PGM2: variants seen among roughly 807,000 people sequenced by gnomAD.
PGM2 encodes the protein phosphopentomutase.
PGM2 carries 57 observed loss-of-function variants against 74.6 expected under a neutral mutation model. That is an observed-to-expected ratio of 0.76 (90% CI 0.62 to 0.95). The LOEUF (loss-of-function observed/expected upper bound fraction) is 0.95. Among genes scored for constraint, PGM2 ranks in the 40% least tolerant of loss-of-function variants. The pLI, the probability that PGM2 is intolerant of heterozygous loss-of-function variation, is 0.00. For synonymous variants in PGM2, 273 were observed against 260.7 expected, an observed-to-expected ratio of 1.05 and a Z score of -0.46; for missense variants, 706 against 741.9, an observed-to-expected ratio of 0.95 and a Z score of 0.56.
intron 1 of PGM2, among the ~76,000 whole-genome samples, chr4:37,828,097 C>T (rs774355288): frequency 1.3e-5 from 2 of 152,152 alleles, no homozygotes; most frequent in Non-Finnish European, 2.9e-5. Flanking sequence ...TCAGCAAATC[C>T]CATTTCCAGG....
At chr4:37,848,328 G>T (rs1349522321) in intron 10 of PGM2, among the ~76,000 whole-genome samples, 194 bp from the exon 11 acceptor site, 1 of 152,200 alleles carries the variant, frequency 6.6e-6, no homozygotes, top group Admixed American at 6.5e-5. Context: ...AATCTTGCAG[G>T]TTCTTCAGCA....
intron 6 of PGM2, among the ~76,000 whole-genome samples, chr4:37,843,378 A>T (rs1725781903): frequency 6.6e-6 from 1 of 152,214 alleles, no homozygotes; most frequent in African/African-American, 2.4e-5. Flanking sequence ...TTTAAACCAC[A>T]ATTCTCTTAG....
rs762895957 is a variant in PGM2 at position 37,847,261 on chromosome 4, GA to G, written c.1252del (p.Thr418LeufsTer29). Reference sequence around the variant, plus strand: ...GAGCCAAACAGCTAATAGACCAGGGGAAAACTGTTTTATTTGCATTTGAAGA... The same window carrying G: ...GAGCCAAACAGCTAATAGACCAGGGGAAACTGTTTTATTTGCATTTGAAGA... ...NRAKQLIDQG[K>X]TVLFAFEEAI... On this transcript the variant is annotated frameshift_variant, in exon 10 of 14. Coordinates refer to ENST00000381967, the MANE Select transcript of PGM2 (RefSeq NM_018290.4). LOFTEE classifies it high-confidence loss of function. 5 of 1,613,518 alleles carry G rather than the reference GA, an allele frequency of 3.1e-6. No individual in the cohort carries two copies. The African/African-American group carries it at 5.3e-5, about 17-fold the overall frequency.
Position 37,840,926 on chromosome 4 carries a change from T to A in PGM2, c.719+667T>A, listed in dbSNP as rs551341990. ...TATAGATTCCATACATGTATGTGAT[T>A]CATACATATTCATACATGTAAGTGT... On this transcript the variant is annotated intron_variant, in intron 6 of 13. Coordinates refer to ENST00000381967, the MANE Select transcript of PGM2 (RefSeq NM_018290.4). Among the ~76,000 whole-genome samples the A allele has an allele frequency of 2.4e-4, 36 of 148,424 alleles. 1 individual carries two copies. The highest frequency in any genetic ancestry group is 6.9e-3 in the Middle Eastern group (2 of 290).
At chr4:37,843,169 C>G (rs967775342) in intron 6 of PGM2, among the ~76,000 whole-genome samples, 8 of 152,276 alleles carry the variant, frequency 5.3e-5, no homozygotes, top group South Asian at 2.1e-4. Flanking sequence ...TGTTCATCTC[C>G]CATTTCAAAT....
chr4:37,832,702 C>T (rs2911906), intron 2 of PGM2, among the ~76,000 whole-genome samples: 28,707 of 152,110 alleles, frequency 0.19, 3,038 homozygotes, highest in South Asian at 0.34. Context: ...TCACTGTCCT[C>T]TGAAAGAGGC....
chr4:37,849,688 C>T (rs1026868043), intron 11 of PGM2, among the ~76,000 whole-genome samples: 2 of 152,104 alleles, frequency 1.3e-5, no homozygotes, highest in African/African-American at 4.8e-5. Flanking sequence ...GGATTACAGG[C>T]GTGAGCCACT....
At chr4:37,839,789 A>G in intron 4 of PGM2, 59 bp from the exon 5 acceptor site, 2 of 929,210 alleles carry the variant, frequency 2.2e-6, no homozygotes, top group East Asian at 2.4e-5. Context: ...TAGACATTTT[A>G]AGAATATCTG....
At chr4:37,837,413 T>C in intron 3 of PGM2, 116 bp from the exon 4 acceptor site, 2 of 755,024 alleles carry the variant, frequency 2.6e-6, no homozygotes, top group South Asian at 1.4e-5. Flanking sequence ...ATGCTGTCCT[T>C]GATCTGGATG....
intron 10 of PGM2, chr4:37,847,569 G>T (rs914433578): frequency 5.7e-5 from 22 of 386,408 alleles, no homozygotes; most frequent in Non-Finnish European, 9.7e-5. Flanking sequence ...CATGTATTTT[G>T]GGAGTTGTGA....
In PGM2 at chr4:37,855,711, A is replaced by G. The variant is rs139469063; in HGVS notation, c.1706A>G (p.Tyr569Cys). The G allele has an allele frequency of 1.2e-3, 1,982 of 1,613,432 alleles. 1 individual carries two copies. The highest frequency in any genetic ancestry group is 1.5e-3 in the Non-Finnish European group (1,789 of 1,179,790). ...GGGACAGAGCCCAAAATCAAGTACT[A>G]TGCAGAGCTGTGTGCCCCACCTGGG... The part of the protein sequence containing the change: ...TSGTEPKIKY[Y>C]AELCAPPGNS... The change falls in exon 13 of 14, where the codon TAT becomes TGT. Residue 569 changes from tyrosine (Y) to cysteine (C), a missense_variant. This residue lies in a region of PGM2 where 359 missense variants were observed against 371.1 expected (regional missense o/e 0.97). Coordinates refer to ENST00000381967, the MANE Select transcript of PGM2 (RefSeq NM_018290.4).
chr4:37,857,967 A>G (rs2152182397), intron 13 of PGM2, among the ~76,000 whole-genome samples: 1 of 152,312 alleles, frequency 6.6e-6, no homozygotes, highest in East Asian at 1.9e-4. Context: ...AGAAATGGAC[A>G]GTCCAACTAA....
chr4:37,828,226 CTT>C (rs2152173686), intron 1 of PGM2, among the ~76,000 whole-genome samples: 1 of 152,070 alleles, frequency 6.6e-6, no homozygotes, highest in South Asian at 2.1e-4. Flanking sequence ...GTACAGAATT[CTT>C]TTGAAGTCAG....
chr4:37,834,593 T>G (rs749971214), intron 2 of PGM2, 25 bp from the exon 3 acceptor site: 1 of 1,144,200 alleles, frequency 8.7e-7, no homozygotes, highest in East Asian at 2.4e-5. Context: ...AAAACATACT[T>G]TTTAAATCTA....
rs376445794 is a variant in PGM2 at position 37,844,488 on chromosome 4, A to T, written c.844A>T (p.Lys282Ter). 5 of 1,613,816 alleles carry T rather than the reference A, an allele frequency of 3.1e-6. No individual in the cohort carries two copies. The highest frequency in any genetic ancestry group is 4.2e-6 in the Non-Finnish European group (5 of 1,179,794). Residue 282 changes from lysine to a stop codon, truncating the protein, a stop_gained, in exon 7 of 14, where the codon AAA (lysine) becomes TAA (stop). Coordinates refer to ENST00000381967, the MANE Select transcript of PGM2 (RefSeq NM_018290.4). LOFTEE classifies it high-confidence loss of function. ...LVPPEAVPEQ[K>*]DPDPEFPTVK... ...TCCTCCTGAGGCTGTTCCTGAACAGAAAGATCCGGATCCTGAGTTTCCAAC... is the reference window on the plus strand; with the variant it reads ...TCCTCCTGAGGCTGTTCCTGAACAGTAAGATCCGGATCCTGAGTTTCCAAC...
In PGM2 at chr4:37,834,720, A is replaced by G. The variant is rs773203064; in HGVS notation, c.352A>G (p.Arg118Gly). Residue 118 changes from arginine to glycine, a missense_variant, in exon 3 of 14, where the codon AGA becomes GGA. Physicochemically the swap from Arg to Gly is moderately radical, Grantham distance 125 (BLOSUM62 -2). Coordinates refer to ENST00000381967, the MANE Select transcript of PGM2 (RefSeq NM_018290.4). Reference sequence around the variant, plus strand: ...TCATCCATCCAGTGGGGGTAGCAGCAGAAGGTATTTAAACATTTTTACAAA... The same window carrying G: ...TCATCCATCCAGTGGGGGTAGCAGCGGAAGGTATTTAAACATTTTTACAAA... ...RAHPSSGGSS[R>G]RFARLAATTF... is the part of the protein sequence containing the mutation. 7.1e-7 allele frequency: 1 copy of G among 1,405,542 alleles called. No individual in the cohort carries two copies. Among genetic ancestry groups the G allele is most frequent in the Non-Finnish European group, 1.0e-6 (1 of 1,003,764 alleles). The allele number at this position is 1,405,542 out of a possible 1,614,324, so 87.1% of individuals were successfully genotyped here.
intron 13 of PGM2, among the ~76,000 whole-genome samples, chr4:37,858,665 A>G (rs1711647836): frequency 6.6e-6 from 1 of 152,042 alleles, no homozygotes; most frequent in Admixed American, 6.6e-5. Flanking sequence ...TAATGTCTTC[A>G]CTAAGATTTC....
At chr4:37,835,991 G>A (rs890748825) in intron 3 of PGM2, among the ~76,000 whole-genome samples, 5 of 152,198 alleles carry the variant, frequency 3.3e-5, no homozygotes, top group East Asian at 1.9e-4. Flanking sequence ...GAACTAAATC[G>A]TGACCGTGTT....
rs1403555140 is a variant in PGM2, at chr4:37,855,643, C to A, written c.1638C>A (p.Thr546=). 1.2e-6 allele frequency: 2 copies of A among 1,614,040 alleles called. No individual in the cohort carries two copies. The highest frequency in any genetic ancestry group is 1.7e-5 in the Admixed American group (1 of 60,016). Reference sequence around the variant, plus strand: ...CTAGTAAAAGCAGCCAAATGATCACCTTCACCTTTGCTAATGGAGGCGTGG... The same window carrying A: ...CTAGTAAAAGCAGCCAAATGATCACATTCACCTTTGCTAATGGAGGCGTGG... ...LPTSKSSQMI[T]FTFANGGVAT... Residue 546 remains threonine, a synonymous_variant, in exon 13 of 14, where the codon ACC becomes ACA. Transcript: ENST00000381967.
Sources: gnomAD v4.1 joint callset for allele counts (sites outside exome capture counted in the v4.1 genomes callset) on GRCh38, gnomAD v4.1.1 for gene constraint, gnomAD v4.1.1 regional missense constraint, MANE v1.5 for transcripts, NCBI Gene and HGNC (gene_info 2026-07-23, HGNC 2026-07-21) for gene names.